Variants in GAN observed in about 807,000 individuals in gnomAD.
GAN encodes epididymis secretory sperm binding protein.
A neutral mutation model predicts 71.3 loss-of-function variants in GAN; 48 were observed. The observed-to-expected ratio is 0.67, with a 90% CI of 0.53 to 0.86. The LOEUF is 0.86. Among genes scored for constraint, GAN ranks in the 40% least tolerant of loss-of-function variants. The pLI, the probability that GAN is intolerant of heterozygous loss-of-function variation, is 0.00. For missense variants in GAN, 928 were observed against 770.1 expected, an observed-to-expected ratio of 1.21 and a Z score of -2.43; for synonymous variants, 386 against 276.8, an observed-to-expected ratio of 1.39 and a Z score of -3.92.
intron 1 of GAN, among the ~76,000 whole-genome samples, chr16:81,329,974 C>G (rs1909518232): frequency 6.6e-6 from 1 of 152,210 alleles, no homozygotes; most frequent in Non-Finnish European, 1.5e-5. Flanking sequence ...GGTTAGTATA[C>G]TACCAGACTC....
chr16:81,344,507 A>G (rs1910051348), intron 1 of GAN, among the ~76,000 whole-genome samples: 1 of 152,186 alleles, frequency 6.6e-6, no homozygotes, highest in Non-Finnish European at 1.5e-5. Context: ...GACACAAGCA[A>G]TGGGGAAAGA....
rs770847887 is a variant in GAN at position 81,351,662 on chromosome 16, A to T, written c.247A>T (p.Met83Leu). 1 of 1,542,926 alleles carries T rather than the reference A, an allele frequency of 6.5e-7. No individual in the cohort carries two copies. The highest frequency in any genetic ancestry group is 1.1e-5 in the South Asian group (1 of 89,666). The stretch of plus-strand genomic sequence containing the variant: ...ACTTGAAGGGATATCGGTAATGGTT[A>T]TGAGAGAGATCCTGGATTACATCTT... ...IELEGISVMV[M>L]REILDYIFSG... Residue 83 changes from methionine (M) to leucine (L), a missense_variant, in exon 2 of 11, where the codon ATG (methionine) becomes TTG (leucine). Transcript: ENST00000648994.
chr16:81,371,981 T>G (rs1217215295), intron 9 of GAN: 2 of 152,294 alleles, frequency 1.3e-5, no homozygotes, highest in Non-Finnish European at 2.9e-5. Flanking sequence ...TCTGCCATAC[T>G]GGAAGCAGAC....
intron 9 of GAN, among the ~76,000 whole-genome samples, chr16:81,373,234 C>T (rs1911089969): frequency 6.6e-6 from 1 of 152,042 alleles, no homozygotes; most frequent in African/African-American, 2.4e-5. Flanking sequence ...GGAGTGATGA[C>T]CATATGACTG....
rs1180488533 is a variant in GAN at position 81,380,712 on chromosome 16, C to T, written c.*3116C>T. 2 of 152,098 alleles carry T rather than the reference C, an allele frequency of 1.3e-5. No individual in the cohort carries two copies. The highest frequency in any genetic ancestry group is 2.9e-5 in the Non-Finnish European group (2 of 68,012). 9.4% of individuals were successfully genotyped at this position (152,098 alleles called of 1,614,324 possible). ...TGACCTTCAGTTTATACTACTGTGT[C>T]GAACTCATATTGAGTGTAAATATTG... On this transcript the variant is annotated 3_prime_UTR_variant, in exon 11 of 11. Coordinates refer to ENST00000648994, the MANE Select transcript of GAN (RefSeq NM_022041.4).
chr16:81,358,993 C>G (rs1418843951), intron 5 of GAN, among the ~76,000 whole-genome samples: 1 of 151,404 alleles, frequency 6.6e-6, no homozygotes, highest in Non-Finnish European at 1.5e-5. Context: ...GCAATGTTGC[C>G]CAGGCTATAA....
intron 1 of GAN, 121 bp downstream of exon 1, chr16:81,315,401 C>A: frequency 1.6e-6 from 1 of 627,128 alleles, no homozygotes; most frequent in South Asian, 7.9e-5. Flanking sequence ...GTCCCCGCGT[C>A]ACCGTTGGCG....
Position 81,365,076 on chromosome 16 carries a change from C to T in GAN, c.1339C>T (p.Gln447Ter), listed in dbSNP as rs764354626. 6.2e-7 allele frequency: 1 copy of T among 1,613,464 alleles called. No homozygotes were observed. The highest frequency in any genetic ancestry group is 8.5e-7 in the Non-Finnish European group (1 of 1,179,520). The change falls in exon 8 of 11, where the codon CAG becomes TAG. Residue 447 changes from glutamine (Q) to a stop codon, truncating the protein, a stop_gained. Coordinates refer to ENST00000648994, the MANE Select transcript of GAN (RefSeq NM_022041.4). LOFTEE classifies it high-confidence loss of function. ...AGAGTGTTATGATCCCAGGACCCAG[C>T]AGTGGACTGCCATATGTCCACTAAA... is the stretch of plus-strand genomic sequence containing the variant. ...SVECYDPRTQ[Q>*]WTAICPLKER...
rs567199063 is a variant in GAN at position 81,329,335 on chromosome 16, C to T, written c.167+14055C>T. On this transcript the variant is annotated intron_variant, in intron 1 of 10. Transcript: ENST00000648994. ...AGATTCATTCAGGGCAACTGGAATCCGTGTTCCTGGGTTGCCGCCCTCAAA... is the reference window on the plus strand; with the variant it reads ...AGATTCATTCAGGGCAACTGGAATCTGTGTTCCTGGGTTGCCGCCCTCAAA... Among the ~76,000 whole-genome samples the T allele has an allele frequency of 1.5e-4, 23 of 152,196 alleles. No homozygotes were observed. In the South Asian group the frequency reaches 4.4e-3, roughly 29 times the overall value.
chr16:81,354,550 A>T lies in GAN; in HGVS notation c.428A>T (p.His143Leu). ...NCIGIRDFAL[H>L]YCLHHVHYLA... ...ATTGGTATCCGTGACTTTGCACTACATTACTGCCTCCATCACGTTCATTAC... is the reference window on the plus strand; with the variant it reads ...ATTGGTATCCGTGACTTTGCACTACTTTACTGCCTCCATCACGTTCATTAC... Residue 143 changes from histidine (H) to leucine (L), a missense_variant, in exon 3 of 11, where the codon CAT becomes CTT. Physicochemically the swap from His to Leu is moderately conservative, Grantham distance 99. Coordinates refer to ENST00000648994, the MANE Select transcript of GAN (RefSeq NM_022041.4). 1 of 1,614,108 alleles carries T rather than the reference A, an allele frequency of 6.2e-7. No homozygotes were observed.
Position 81,365,346 on chromosome 16 carries a change from T to G in GAN, c.1374-4T>G. 1 of 1,613,922 alleles carries G rather than the reference T, an allele frequency of 6.2e-7. No individual in the cohort carries two copies. Among genetic ancestry groups the G allele is most frequent in the Non-Finnish European group, 8.5e-7 (1 of 1,179,982 alleles). On this transcript the variant is annotated splice_region_variant and splice_polypyrimidine_tract_variant and intron_variant, in intron 8 of 10. Coordinates refer to ENST00000648994, the MANE Select transcript of GAN (RefSeq NM_022041.4). Reference sequence around the variant, plus strand: ...GCCTGATAACGCTGTGTGTGGCCTTTCAGGTTTGGAGCGGTGGCCTGTGGA... The same window carrying G: ...GCCTGATAACGCTGTGTGTGGCCTTGCAGGTTTGGAGCGGTGGCCTGTGGA...
rs1904376859 is a variant in GAN, at chr16:81,385,612, A to G, written c.*8016A>G. On this transcript the variant is annotated 3_prime_UTR_variant, in exon 11 of 11. Transcript: ENST00000648994. ...AGTGACCACTGTTGCTGCCACCATG[A>G]TTATGTCACCTCTCAACATGGGGTG... 6.6e-6 allele frequency: 1 copy of G among 152,254 alleles called. No individual in the cohort carries two copies. The highest frequency in any genetic ancestry group is 1.5e-5 in the Non-Finnish European group (1 of 68,154). 9.4% of individuals were successfully genotyped at this position (152,254 alleles called of 1,614,324 possible). A position where few individuals can be genotyped will look rare whatever the true frequency, so the allele number is the denominator to read the frequency against.
intron 1 of GAN, among the ~76,000 whole-genome samples, chr16:81,350,898 G>C (rs1467455186): frequency 1.3e-5 from 2 of 152,164 alleles, no homozygotes; most frequent in Non-Finnish European, 2.9e-5. Flanking sequence ...CGAAAACCTG[G>C]AGACAACCCC....
rs886109224 is a variant in GAN at position 81,357,850 on chromosome 16, C to G, written c.892C>G (p.Leu298Val). 6.2e-7 allele frequency: 1 copy of G among 1,613,318 alleles called. No individual in the cohort carries two copies. Among genetic ancestry groups the G allele is most frequent in the Non-Finnish European group, 8.5e-7 (1 of 1,179,224 alleles). The change falls in exon 5 of 11, where the codon CTC (leucine) becomes GTC (valine). Residue 298 changes from leucine to valine, a missense_variant. By Grantham distance (32) the Leu-to-Val change is conservative. Coordinates refer to ENST00000648994, the MANE Select transcript of GAN (RefSeq NM_022041.4). ...AGCAGCGATGCGATGCATGTGCCCTCTCTATGACCCTAACAGGCAGCTTTG... is the reference window on the plus strand; with the variant it reads ...AGCAGCGATGCGATGCATGTGCCCTGTCTATGACCCTAACAGGCAGCTTTG... ...PTAAMRCMCP[L>V]YDPNRQLWIE...
In GAN at chr16:81,363,963, ATAAC is replaced by A. The variant is rs775319253; in HGVS notation, c.1236+23_1236+26del. The A allele has an allele frequency of 2.5e-6, 4 of 1,593,988 alleles. No individual in the cohort carries two copies. The South Asian group carries it at 4.4e-5, about 18-fold the overall frequency. The stretch of plus-strand genomic sequence containing the variant: ...AGAAAGGTGAGGACTGCATTTTGTG[ATAAC>A]TAGTCTGTGTACACATTGGATTTTA... On this transcript the variant is annotated intron_variant, in intron 7 of 10. Transcript: ENST00000648994.
At chr16:81,325,099 C>T (rs188061979) in intron 1 of GAN, among the ~76,000 whole-genome samples, 6 of 152,298 alleles carry the variant, frequency 3.9e-5, no homozygotes, top group African/African-American at 1.4e-4. Flanking sequence ...GCTTCTTCAT[C>T]GTCACCAACA....
At chr16:81,325,700 A>T (rs575513464) in intron 1 of GAN, among the ~76,000 whole-genome samples, 1 of 152,328 alleles carries the variant, frequency 6.6e-6, no homozygotes, top group African/African-American at 2.4e-5. Flanking sequence ...GGAGGAAATC[A>T]ACTGGATGCT....
chr16:81,328,887 CT>C (rs2150670841), intron 1 of GAN, among the ~76,000 whole-genome samples: 1 of 152,192 alleles, frequency 6.6e-6, no homozygotes, highest in South Asian at 2.1e-4. Flanking sequence ...ACATATTCTT[CT>C]TTGTTTTTGT....
At chr16:81,336,953 A>G (rs2150675602) in intron 1 of GAN, among the ~76,000 whole-genome samples, 1 of 151,824 alleles carries the variant, frequency 6.6e-6, no homozygotes, top group South Asian at 2.1e-4. Flanking sequence ...TTGTCACTCA[A>G]AGATTGTAGT....
Sources: allele counts gnomAD v4.1 joint callset (sites outside exome capture counted in the v4.1 genomes callset), GRCh38; gene constraint gnomAD v4.1.1; transcripts MANE v1.5; gene names NCBI Gene and HGNC (gene_info 2026-07-23, HGNC 2026-07-21).